Variants in SLC8A1 observed in about 807,000 individuals in gnomAD.
The protein encoded by SLC8A1 is solute carrier family 8 member A1.
A neutral mutation model predicts 68.3 loss-of-function variants in SLC8A1; 18 were observed. That is an observed-to-expected ratio of 0.26 (90% CI 0.18 to 0.39). SLC8A1 has a LOEUF of 0.39. Among genes scored for constraint, SLC8A1 ranks in the 10% least tolerant of loss-of-function variants. The probability of loss-of-function intolerance (pLI) is 1.00; values close to 1 mark genes in which losing one functional copy is unlikely to be tolerated. For synonymous variants in SLC8A1, 475 were observed against 415.5 expected (o/e 1.14, Z -1.74); for missense variants, 985 against 1,156.7 (o/e 0.85, Z 2.15).
chr2:40,158,919 C>T (rs568276704), intron 6 of SLC8A1, among the ~76,000 whole-genome samples: 7 of 152,124 alleles, frequency 4.6e-5, no homozygotes, highest in Non-Finnish European at 8.8e-5. Context: ...CTATTCTCAC[C>T]AGAATCAAAC....
At chr2:40,510,820 G>T (rs1706676411) in intron 1 of SLC8A1, among the ~76,000 whole-genome samples, 1 of 152,152 alleles carries the variant, frequency 6.6e-6, no homozygotes, top group Middle Eastern at 3.4e-3. Flanking sequence ...GCATATAAAA[G>T]AATAATTTGA....
intron 2 of SLC8A1, among the ~76,000 whole-genome samples, chr2:40,335,983 G>A (rs1319261289): frequency 6.6e-6 from 1 of 152,208 alleles, no homozygotes; most frequent in Non-Finnish European, 1.5e-5. Flanking sequence ...TCCATGAAGT[G>A]GGTAATGCTA....
At chr2:40,324,804 T>C (rs1045542317) in intron 2 of SLC8A1, among the ~76,000 whole-genome samples, 1 of 152,158 alleles carries the variant, frequency 6.6e-6, no homozygotes, top group South Asian at 2.1e-4. Flanking sequence ...AAGTTCTTGG[T>C]TGAACTAGAA....
At chr2:40,260,623 C>G (rs887295815) in intron 2 of SLC8A1, among the ~76,000 whole-genome samples, 4 of 152,054 alleles carry the variant, frequency 2.6e-5, no homozygotes, top group Admixed American at 2.0e-4. Flanking sequence ...GGAATTCAAG[C>G]TTCCAGTAAA....
intron 2 of SLC8A1, among the ~76,000 whole-genome samples, chr2:40,241,542 C>T (rs1455338332): frequency 6.6e-6 from 1 of 152,182 alleles, no homozygotes; most frequent in Non-Finnish European, 1.5e-5. Context: ...GAGTAAAGTA[C>T]CTGATATGTG....
rs1575902622 is a variant in SLC8A1, at chr2:40,382,772, G to A, written c.1808+45701C>T. On this transcript the variant is annotated intron_variant, in intron 2 of 7. Transcript: ENST00000406785. ...AAGCTTTAATTGTTCTACTAAAATA[G>A]AAGTGAGTAAATGTACATTTATATG... is the stretch of plus-strand genomic sequence containing the variant. Among the ~76,000 whole-genome samples, 4 of 152,034 alleles carry A rather than the reference G, an allele frequency of 2.6e-5. No individual in the cohort carries two copies. In the South Asian group the frequency reaches 8.3e-4, roughly 32 times the overall value.
At chr2:40,139,248 G>A (rs1232240314) in intron 7 of SLC8A1, among the ~76,000 whole-genome samples, 153 bp downstream of exon 10, 1 of 152,134 alleles carries the variant, frequency 6.6e-6, no homozygotes, top group Non-Finnish European at 1.5e-5. Context: ...CCATGACAAT[G>A]TTCCGGCAGT....
Position 40,315,683 on chromosome 2 carries a change from C to G in SLC8A1, c.1808+112790G>C, listed in dbSNP as rs562152356. 6.6e-5 allele frequency among the ~76,000 whole-genome samples: 10 copies of G among 152,032 alleles called. No homozygotes were observed. In the South Asian group the frequency reaches 1.7e-3, roughly 25 times the overall value. Reference sequence around the variant, plus strand: ...TTAATGTCACTGTCTTGTCTGAAATCAAACCTTCAGGAATATTTATCTGAA... The same window carrying G: ...TTAATGTCACTGTCTTGTCTGAAATGAAACCTTCAGGAATATTTATCTGAA... On this transcript the variant is annotated intron_variant, in intron 2 of 7. Coordinates refer to ENST00000406785, the Ensembl canonical transcript of SLC8A1.
chr2:40,303,292 G>C (rs1433243199), intron 2 of SLC8A1, among the ~76,000 whole-genome samples: 2 of 152,194 alleles, frequency 1.3e-5, no homozygotes, highest in Admixed American at 1.3e-4. Flanking sequence ...TTTACTTCAA[G>C]AGTTATTACC....
At chr2:40,305,366 T>C (rs770860411) in intron 2 of SLC8A1, among the ~76,000 whole-genome samples, 3 of 152,188 alleles carry the variant, frequency 2.0e-5, no homozygotes, top group African/African-American at 7.2e-5. Context: ...TTTAGCAGCA[T>C]CCCTAACCTC....
intron 2 of SLC8A1, among the ~76,000 whole-genome samples, chr2:40,263,837 A>G (rs974272917): frequency 5.9e-5 from 9 of 152,224 alleles, no homozygotes; most frequent in African/African-American, 2.2e-4. Context: ...ACAAAAGCCA[A>G]AATTGACAAA....
chr2:40,441,030 C>G (rs747071170), intron 1 of SLC8A1, among the ~76,000 whole-genome samples: 8 of 152,100 alleles, frequency 5.3e-5, no homozygotes, highest in Non-Finnish European at 8.8e-5. Flanking sequence ...TTAGAAAACC[C>G]CAGTGTCTCA....
At chr2:40,427,591 A>G (rs542446125) in intron 2 of SLC8A1, among the ~76,000 whole-genome samples, 17 of 152,052 alleles carry the variant, frequency 1.1e-4, no homozygotes, top group Non-Finnish European at 2.2e-4. Flanking sequence ...ACACTTTCCT[A>G]GGCAAAGGGG....
chr2:40,424,656 T>C (rs1696391602), intron 2 of SLC8A1, among the ~76,000 whole-genome samples: 1 of 151,874 alleles, frequency 6.6e-6, no homozygotes, highest in Non-Finnish European at 1.5e-5. Flanking sequence ...TTTAATATGT[T>C]ATACTATGAC....
At chr2:40,404,300 C>T (rs1466647494) in intron 2 of SLC8A1, among the ~76,000 whole-genome samples, 1 of 152,142 alleles carries the variant, frequency 6.6e-6, no homozygotes, top group Non-Finnish European at 1.5e-5. Flanking sequence ...TTGTGTATGC[C>T]TATGATGGTC....
intron 1 of SLC8A1, among the ~76,000 whole-genome samples, chr2:40,466,520 C>T (rs905631350): frequency 2.0e-5 from 3 of 152,154 alleles, no homozygotes; most frequent in Admixed American, 1.3e-4. Flanking sequence ...TTCAGTTCTG[C>T]TACTAATTAG....
At chr2:40,398,305 G>T (rs1687622856) in intron 2 of SLC8A1, among the ~76,000 whole-genome samples, 1 of 152,104 alleles carries the variant, frequency 6.6e-6, no homozygotes, top group Admixed American at 6.5e-5. Context: ...ACTACCAGCA[G>T]AGTCTTTTGA....
At chr2:40,244,665 C>A (rs34026481) in intron 2 of SLC8A1, among the ~76,000 whole-genome samples, 21,489 of 151,222 alleles carry the variant, frequency 0.14, 1,831 homozygotes, top group Middle Eastern at 0.22. Context: ...GAGGCCTTTT[C>A]CTACTGCTGG....
At chr2:40,143,345 A>C (rs572700206) in intron 6 of SLC8A1, among the ~76,000 whole-genome samples, 23 of 152,260 alleles carry the variant, frequency 1.5e-4, no homozygotes, top group African/African-American at 5.5e-4. Flanking sequence ...ATGTGACAGC[A>C]AAAATGATGG....
Sources: allele counts gnomAD v4.1 joint callset (sites outside exome capture counted in the v4.1 genomes callset), GRCh38; gene constraint gnomAD v4.1.1; transcripts MANE v1.5; gene names NCBI Gene and HGNC (gene_info 2026-07-23, HGNC 2026-07-21).